Variants in DISP3 observed in about 807,000 individuals in gnomAD.
The protein encoded by DISP3 is protein dispatched homolog 3.
A neutral mutation model predicts 135.3 loss-of-function variants in DISP3; 101 were observed. The ratio of observed to expected loss-of-function variants is 0.75; its 90% confidence interval spans 0.64 to 0.88. The LOEUF is 0.88. Among genes scored for constraint, DISP3 ranks in the 40% least tolerant of loss-of-function variants. DISP3 has a pLI of 0.00. For synonymous variants in DISP3, 856 were observed against 817.0 expected, an observed-to-expected ratio of 1.05 and a Z score of -0.81; for missense variants, 1,713 against 1,878.6, an observed-to-expected ratio of 0.91 and a Z score of 1.63.
intron 13 of DISP3, 137 bp downstream of exon 13, chr1:11,526,972 C>T: frequency 6.2e-6 from 7 of 1,125,326 alleles, no homozygotes; most frequent in Non-Finnish European, 8.5e-6. Context: ...ACTCTGTTGC[C>T]CAGGCTGGAG....
chr1:11,524,259 C>T (rs886745110), intron 11 of DISP3, among the ~76,000 whole-genome samples: 2 of 152,012 alleles, frequency 1.3e-5, no homozygotes, highest in African/African-American at 4.8e-5. Context: ...CCCGCGACAC[C>T]CTGGTCTGTG....
intron 7 of DISP3, among the ~76,000 whole-genome samples, chr1:11,518,104 C>T (rs906134222): frequency 6.6e-6 from 1 of 152,124 alleles, no homozygotes; most frequent in African/African-American, 2.4e-5. Flanking sequence ...GGGGAAAGAC[C>T]TTGTGGGCCT....
chr1:11,515,601 T>C (rs1641988716), intron 5 of DISP3, 98 bp downstream of exon 5: 14 of 1,481,474 alleles, frequency 9.5e-6, no homozygotes, highest in Non-Finnish European at 1.3e-5. Flanking sequence ...CCCTGGGGGC[T>C]CTACACAGCG....
intron 1 of DISP3, among the ~76,000 whole-genome samples, chr1:11,494,142 C>T (rs938018123): frequency 6.6e-6 from 1 of 152,182 alleles, no homozygotes; most frequent in Admixed American, 6.5e-5. Flanking sequence ...TGTGTGACCA[C>T]CAGGGAGTCA....
In DISP3 at chr1:11,501,796, G is replaced by A; in HGVS notation, c.804G>A (p.Gln268=). The change falls in exon 2 of 21, where the codon CAG becomes CAA. Residue 268 remains glutamine (Q), a synonymous_variant. Coordinates refer to ENST00000294484, the MANE Select transcript of DISP3 (RefSeq NM_020780.2). This position sits in a 1 kb window ranked among gnomAD's most constrained non-coding sequence, Gnocchi z 4.9. ...GCGCCTATGTGAGTGCCAACACTCA[G>A]ACGCACGCGCACTGGCGCATCGAGC... is the stretch of plus-strand genomic sequence containing the variant. ...YSRAYVSANT[Q]THAHWRIELI... The A allele has an allele frequency of 6.2e-7, 1 of 1,604,316 alleles. No individual in the cohort carries two copies. Among genetic ancestry groups the A allele is most frequent in the Non-Finnish European group, 8.5e-7 (1 of 1,174,492 alleles).
At chr1:11,522,329 A>G (rs1465513224) in intron 10 of DISP3, among the ~76,000 whole-genome samples, 1 of 152,118 alleles carries the variant, frequency 6.6e-6, no homozygotes, top group East Asian at 1.9e-4. Context: ...TGGTAATGGC[A>G]GCCAAATGCG....
Position 11,516,826 on chromosome 1 carries a change from C to T in DISP3, c.1750-637C>T, listed in dbSNP as rs1642025618. Among the ~76,000 whole-genome samples, 1 of 152,196 alleles carries T rather than the reference C, an allele frequency of 6.6e-6. No homozygotes were observed. Among genetic ancestry groups the T allele is most frequent in the African/African-American group, 2.4e-5 (1 of 41,444 alleles). On this transcript the variant is annotated intron_variant, in intron 6 of 20. Transcript: ENST00000294484. This position sits in a 1 kb window ranked among gnomAD's most constrained non-coding sequence, Gnocchi z 5.1. ...TAGAGAATCACTTCTAGAAGGTAGG[C>T]AGAGCTGGGTTCAGCTTCTGCAGTG...
chr1:11,513,034 C>T (rs1384301107), intron 3 of DISP3, among the ~76,000 whole-genome samples: 3 of 152,138 alleles, frequency 2.0e-5, no homozygotes, highest in Admixed American at 2.0e-4. Flanking sequence ...CCCTGGGTCC[C>T]TCCCACAACA....
At chr1:11,518,512 G>A (rs531015910) in intron 7 of DISP3, among the ~76,000 whole-genome samples, 11 of 152,314 alleles carry the variant, frequency 7.2e-5, no homozygotes, top group Admixed American at 5.9e-4. Flanking sequence ...TAGAAGCAGC[G>A]TCATGGGGAA....
chr1:11,501,019 G>T lies in DISP3; in HGVS notation c.27G>T (p.Leu9=). ...TGGACACGGAGGATGACCCCTTGCTGCAGGATGTGTGGCTAGAGGAGGAGC... is the reference window on the plus strand; with the variant it reads ...TGGACACGGAGGATGACCCCTTGCTTCAGGATGTGTGGCTAGAGGAGGAGC... MDTEDDPL[L]QDVWLEEEQE... Residue 9 remains leucine, a synonymous_variant, in exon 2 of 21, where the codon CTG becomes CTT. Coordinates refer to ENST00000294484, the MANE Select transcript of DISP3 (RefSeq NM_020780.2). The surrounding 1 kb of genome is among the most constrained non-coding windows in gnomAD (Gnocchi z 4.9). 1 of 1,614,094 alleles carries T rather than the reference G, an allele frequency of 6.2e-7. No homozygotes were observed. The highest frequency in any genetic ancestry group is 1.3e-5 in the African/African-American group (1 of 75,056).
At position 11,491,619 on chromosome 1, in the gene DISP3, C is replaced by CA. The variant is rs1641184879; in HGVS notation, c.-3-9368dup. On this transcript the variant is annotated intron_variant, in intron 1 of 20. Coordinates refer to ENST00000294484, the MANE Select transcript of DISP3 (RefSeq NM_020780.2). This position sits in a 1 kb window ranked among gnomAD's most constrained non-coding sequence, Gnocchi z 4.3. Reference sequence around the variant, plus strand: ...GAGTGAGATCCCATCTCAAAACAAACAAACAAAACAAAACAAAACCCGGAT... The same window carrying CA: ...GAGTGAGATCCCATCTCAAAACAAACAAAACAAAACAAAACAAAACCCGGAT... Among the ~76,000 whole-genome samples the CA allele has an allele frequency of 1.3e-5, 2 of 151,488 alleles. No individual in the cohort carries two copies. The highest frequency in any genetic ancestry group is 2.9e-5 in the Non-Finnish European group (2 of 67,836).
intron 12 of DISP3, among the ~76,000 whole-genome samples, chr1:11,525,747 A>G (rs1460397987): frequency 6.6e-6 from 1 of 152,114 alleles, no homozygotes; most frequent in African/African-American, 2.4e-5. Context: ...CGCTGCAGAA[A>G]GGAGTCCCCG....
At chr1:11,488,256 C>A (rs1641091230) in intron 1 of DISP3, among the ~76,000 whole-genome samples, 1 of 152,170 alleles carries the variant, frequency 6.6e-6, no homozygotes, top group Non-Finnish European at 1.5e-5. Context: ...GGCTGAGCAC[C>A]AGCCCCGGAC....
chr1:11,535,415 C>T, intron 19 of DISP3, 63 bp from the exon 20 acceptor site: 3 of 1,542,778 alleles, frequency 1.9e-6, no homozygotes, highest in Non-Finnish European at 1.7e-6. Flanking sequence ...TCCAGACCTC[C>T]CTGTTCCTCT....
Position 11,514,393 on chromosome 1 carries a change from AGTCCAG to A in DISP3, c.1323_1328del (p.Gln442_Val443del), listed in dbSNP as rs1408727761. The A allele has an allele frequency of 6.2e-7, 1 of 1,609,822 alleles. No homozygotes were observed. Among genetic ancestry groups the A allele is most frequent in the Non-Finnish European group, 8.5e-7 (1 of 1,176,314 alleles). On this transcript the variant is annotated inframe_deletion, in exon 4 of 21. Coordinates refer to ENST00000294484, the MANE Select transcript of DISP3 (RefSeq NM_020780.2). ...TCCACGTCCTCCCTTCCCCCAGCAA[AGTCCAG>A]GTTCTCTATGGGGGGACAGACCTGT...
intron 1 of DISP3, among the ~76,000 whole-genome samples, chr1:11,495,123 C>G (rs1029778903): frequency 1.3e-5 from 2 of 152,098 alleles, no homozygotes; most frequent in Admixed American, 6.5e-5. Flanking sequence ...CTGGGTGTGG[C>G]GGCTCACACC....
intron 17 of DISP3, among the ~76,000 whole-genome samples, chr1:11,532,101 C>T (rs1210418205): frequency 6.6e-6 from 1 of 152,172 alleles, no homozygotes; most frequent in African/African-American, 2.4e-5. Context: ...TTAGGGTGGC[C>T]AGGAGTCCGG....
chr1:11,486,225 G>C (rs1396578078), intron 1 of DISP3, among the ~76,000 whole-genome samples: 1 of 152,192 alleles, frequency 6.6e-6, no homozygotes, highest in Non-Finnish European at 1.5e-5. Flanking sequence ...ATGATCGTGT[G>C]TGGGGACGCC....
intron 3 of DISP3, among the ~76,000 whole-genome samples, chr1:11,506,616 T>C (rs1406384012): frequency 1.3e-5 from 2 of 152,194 alleles, no homozygotes; most frequent in Non-Finnish European, 2.9e-5. Context: ...GCAATTATTT[T>C]ATTCATCATT....
Sources: gnomAD v4.1 joint callset for allele counts (sites outside exome capture counted in the v4.1 genomes callset) on GRCh38, gnomAD v4.1.1 for gene constraint, Gnocchi (gnomAD v3.1) non-coding constraint, MANE v1.5 for transcripts, NCBI Gene and HGNC (gene_info 2026-07-23, HGNC 2026-07-21) for gene names.